The following GALNT18 variants were observed in gnomAD, a reference collection of about 807,000 sequenced individuals.
The protein encoded by GALNT18 is polypeptide N-acetylgalactosaminyltransferase 18.
A neutral mutation model predicts 69.5 loss-of-function variants in GALNT18; 44 were observed. That is an observed-to-expected ratio of 0.63 (90% confidence interval 0.50 to 0.81). The LOEUF is 0.81. Ranked by LOEUF, GALNT18 falls within the 40% of genes least tolerant of loss-of-function variation. GALNT18 has a pLI of 0.00. For synonymous variants in GALNT18, 364 were observed against 318.2 expected (o/e 1.14, Z -1.53); for missense variants, 715 against 810.0 (o/e 0.88, Z 1.42).
chr11:11,323,883 A>T (rs1478303002), intron 9 of GALNT18, among the ~76,000 whole-genome samples: 1 of 152,138 alleles, frequency 6.6e-6, no homozygotes, highest in Non-Finnish European at 1.5e-5. Context: ...GCCACACCTT[A>T]GTGTTTTTTT....
At chr11:11,594,832 TATATATATACACATATAC>T (rs891688165) in intron 1 of GALNT18, among the ~76,000 whole-genome samples, 2 of 30,522 alleles carry the variant, frequency 6.6e-5, no homozygotes, top group African/African-American at 1.2e-4. Context: ...TATATATATA[TATATATATACACATATAC>T]ATACATACAC....
intron 1 of GALNT18, among the ~76,000 whole-genome samples, chr11:11,498,673 C>A (rs535973654): frequency 2.0e-5 from 3 of 152,330 alleles, no homozygotes; most frequent in African/African-American, 7.2e-5. Flanking sequence ...GTGCTGTGCA[C>A]CTGTAGTCCC....
chr11:11,599,844 T>C (rs1006271018), intron 1 of GALNT18, among the ~76,000 whole-genome samples: 1 of 152,008 alleles, frequency 6.6e-6, no homozygotes, highest in Non-Finnish European at 1.5e-5. Context: ...GAATACATTG[T>C]AAAGTGATTC....
At chr11:11,475,421 T>A (rs1856368877) in intron 1 of GALNT18, 1 of 152,224 alleles carries the variant, frequency 6.6e-6, no homozygotes. Flanking sequence ...ATCATTAATC[T>A]CATTAAAACA....
intron 1 of GALNT18, among the ~76,000 whole-genome samples, chr11:11,489,442 G>A (rs962889410): frequency 2.0e-5 from 3 of 152,178 alleles, no homozygotes; most frequent in Admixed American, 2.0e-4. Flanking sequence ...AGTGAGGCAA[G>A]GGCCTTTCAC....
rs1453033898 is a variant in GALNT18 at position 11,464,259 on chromosome 11, A to G, written c.236-15323T>C. On this transcript the variant is annotated intron_variant, in intron 1 of 10. Coordinates refer to ENST00000227756, the MANE Select transcript of GALNT18 (RefSeq NM_198516.3). ...CACAAATGGATTTTTAAAGTGAACAAAAAAGCCTATGCCCAGAAAGATCTT... is the reference window on the plus strand; with the variant it reads ...CACAAATGGATTTTTAAAGTGAACAGAAAAGCCTATGCCCAGAAAGATCTT... Among the ~76,000 whole-genome samples, 4 of 152,326 alleles carry G rather than the reference A, an allele frequency of 2.6e-5. No homozygotes were observed. The East Asian group carries it at 7.7e-4, about 29-fold the overall frequency.
At chr11:11,488,081 A>G (rs1002958986) in intron 1 of GALNT18, among the ~76,000 whole-genome samples, 1 of 152,198 alleles carries the variant, frequency 6.6e-6, no homozygotes, top group Non-Finnish European at 1.5e-5. Context: ...TTCAGGGGAT[A>G]ATAGCTGTGC....
chr11:11,558,680 C>T (rs372464197), intron 1 of GALNT18, among the ~76,000 whole-genome samples: 4 of 152,244 alleles, frequency 2.6e-5, no homozygotes, highest in African/African-American at 9.6e-5. Context: ...AAGCTCCCCT[C>T]TTCTGACGCA....
Position 11,314,987 on chromosome 11 carries a change from A to G in GALNT18, c.1512+12099T>C, listed in dbSNP as rs989861430. Among the ~76,000 whole-genome samples, 1 of 152,110 alleles carries G rather than the reference A, an allele frequency of 6.6e-6. No individual in the cohort carries two copies. Among genetic ancestry groups the G allele is most frequent in the Non-Finnish European group, 1.5e-5 (1 of 68,024 alleles). On this transcript the variant is annotated intron_variant, in intron 9 of 10. Coordinates refer to ENST00000227756, the MANE Select transcript of GALNT18 (RefSeq NM_198516.3). This position sits in a 1 kb window ranked among gnomAD's most constrained non-coding sequence, Gnocchi z 5.2. ...GCTGGCAAGGTGGTTTTAAGATTAC[A>G]TCAACTGACATACTGAAAGTGTCTA...
chr11:11,535,217 C>A (rs1454248412), intron 1 of GALNT18, among the ~76,000 whole-genome samples: 1 of 152,204 alleles, frequency 6.6e-6, no homozygotes. Context: ...TGGCCCCCGG[C>A]CAGTTGGAGA....
intron 10 of GALNT18, among the ~76,000 whole-genome samples, chr11:11,282,793 A>T (rs1295376979): frequency 1.3e-5 from 2 of 152,206 alleles, no homozygotes; most frequent in Non-Finnish European, 2.9e-5. Context: ...ATTCTAGGCC[A>T]CTGAGATATA....
chr11:11,460,630 G>C (rs559221601), intron 1 of GALNT18, among the ~76,000 whole-genome samples: 1 of 152,282 alleles, frequency 6.6e-6, no homozygotes, highest in East Asian at 1.9e-4. Flanking sequence ...GAGAGCCCTA[G>C]CTGGTGCAAA....
At chr11:11,458,398 T>G (rs1282445356) in intron 1 of GALNT18, among the ~76,000 whole-genome samples, 1 of 152,220 alleles carries the variant, frequency 6.6e-6, no homozygotes, top group African/African-American at 2.4e-5. Flanking sequence ...ATTCAATGAT[T>G]TTTTTAAAAA....
chr11:11,327,083 C>T lies in GALNT18; in HGVS notation c.1512+3G>A. On this transcript the variant is annotated splice_donor_region_variant and intron_variant, in intron 9 of 10. Transcript: ENST00000227756. ...TGGCACAGGAATCTCTTAGAGGACT[C>T]ACCTGAGGCGTCATCCCATGGCAGA... 1 of 1,607,694 alleles carries T rather than the reference C, an allele frequency of 6.2e-7. No individual in the cohort carries two copies. The highest frequency in any genetic ancestry group is 1.7e-4 in the Middle Eastern group (1 of 6,040).
At chr11:11,528,583 T>G (rs781535457) in intron 1 of GALNT18, among the ~76,000 whole-genome samples, 28 of 152,232 alleles carry the variant, frequency 1.8e-4, no homozygotes, top group Non-Finnish European at 3.8e-4. Context: ...AGACTGATAC[T>G]GTCAGATCTT....
chr11:11,474,315 C>T (rs1328599553), intron 1 of GALNT18, among the ~76,000 whole-genome samples: 1 of 152,144 alleles, frequency 6.6e-6, no homozygotes, highest in Non-Finnish European at 1.5e-5. Context: ...CCAGAAAGAA[C>T]TCAGGGGGCT....
intron 9 of GALNT18, among the ~76,000 whole-genome samples, chr11:11,300,367 G>T (rs1012195940): frequency 3.3e-5 from 5 of 152,182 alleles, no homozygotes; most frequent in African/African-American, 7.2e-5. Flanking sequence ...GAGTTATATT[G>T]GGACACTGTT....
chr11:11,544,276 G>T (rs960878119), intron 1 of GALNT18, among the ~76,000 whole-genome samples: 1 of 152,206 alleles, frequency 6.6e-6, no homozygotes, highest in Non-Finnish European at 1.5e-5. Context: ...TGCCCTGGAA[G>T]CCAGGACTGC....
chr11:11,304,997 A>C (rs7126515), intron 9 of GALNT18, among the ~76,000 whole-genome samples: 94,133 of 152,002 alleles, frequency 0.62, 29,873 homozygotes, highest in Admixed American at 0.76. Context: ...GCCTAAGATG[A>C]CTGATAAAGA....
Sources: allele counts gnomAD v4.1 joint callset (sites outside exome capture counted in the v4.1 genomes callset), GRCh38; gene constraint gnomAD v4.1.1; non-coding constraint Gnocchi (gnomAD v3.1); transcripts MANE v1.5; gene names NCBI Gene and HGNC (gene_info 2026-07-23, HGNC 2026-07-21).